Variants in TTN observed in about 807,000 individuals in gnomAD.
The protein encoded by TTN is connectin.
Under a neutral mutation model 3,223.0 loss-of-function variants are expected in TTN, and 1,525 were observed. The observed-to-expected ratio is 0.47, with a 90% CI of 0.45 to 0.49. The LOEUF (loss-of-function observed/expected upper bound fraction) is 0.49. Among genes scored for constraint, TTN ranks in the 20% least tolerant of loss-of-function variants. The pLI is 0.00. For missense variants in TTN, 40,786 were observed against 43,424.0 expected, an observed-to-expected ratio of 0.94 and a Z score of 5.40; for synonymous variants, 14,094 against 15,161.0, an observed-to-expected ratio of 0.93 and a Z score of 5.17.
At chr2:178,760,866 TG>T (rs2088965333) in intron 43 of TTN, 5 of 152,044 alleles carry the variant, frequency 3.3e-5, no homozygotes, top group African/African-American at 1.2e-4. Context: ...TGTGTGTGTG[TG>T]TGTGTGTGTG....
In TTN at chr2:178,560,611, C is replaced by T; in HGVS notation, c.85521G>A (p.Met28507Ile). 4 of 1,613,468 alleles carry T rather than the reference C, an allele frequency of 2.5e-6. No homozygotes were observed. Among genetic ancestry groups the T allele is most frequent in the Non-Finnish European group, 3.4e-6 (4 of 1,179,760 alleles). The change falls in exon 326 of 363, where the codon ATG becomes ATA. Residue 28507 changes from methionine to isoleucine, a missense_variant. Coordinates refer to ENST00000589042, the MANE Select transcript of TTN (RefSeq NM_001267550.2). The part of the protein sequence containing the change: ...AWTICEGELQ[M>I]TSCKVTKLLK... ...GTAACTTGGTTACTTTACAGGATGT[C>T]ATCTGTAACTCTCCTTCACATATTG... is the stretch of plus-strand genomic sequence containing the variant.
rs764141386 is a variant in TTN, at chr2:178,712,206, G to A, written c.27624C>T (p.Val9208=). 2 of 1,613,158 alleles carry A rather than the reference G, an allele frequency of 1.2e-6. No individual in the cohort carries two copies. The highest frequency in any genetic ancestry group is 1.7e-6 in the Non-Finnish European group (2 of 1,179,374). Reference sequence around the variant, plus strand: ...ACACCTTAACCGGCTCCAACTGCTTGACAAAATACGGTGGTTCTGCAGCCA... The same window carrying A: ...ACACCTTAACCGGCTCCAACTGCTTAACAAAATACGGTGGTTCTGCAGCCA... ...QILILEPPYF[V]KQLEPVKVSV... The change falls in exon 96 of 363, where the codon GTC becomes GTT. Residue 9208 remains valine (V), a synonymous_variant. Transcript: ENST00000589042.
At position 178,714,279 on chromosome 2, in the gene TTN, T is replaced by C. The variant is rs769982218; in HGVS notation, c.26482+13A>G. On this transcript the variant is annotated intron_variant, in intron 91 of 362. Coordinates refer to ENST00000589042, the MANE Select transcript of TTN (RefSeq NM_001267550.2). ...GTGCCTTGTATCTGTGATAACATCATCTTTTTACTAACCGAGAACGGATAG... is the reference window on the plus strand; with the variant it reads ...GTGCCTTGTATCTGTGATAACATCACCTTTTTACTAACCGAGAACGGATAG... 9 of 1,607,960 alleles carry C rather than the reference T, an allele frequency of 5.6e-6. No individual in the cohort carries two copies. In the South Asian group the frequency reaches 9.9e-5, roughly 18 times the overall value.
chr2:178,733,435 G>T lies in TTN; in HGVS notation c.15858C>A (p.Gly5286=). ...DPATLEYTVA[G]TPELKPKWYK... ...ACCATTTGGGCTTCAGTTCTGGCGT[G>T]CCTGCCACTGTGTACTCCAGTGTGG... is the stretch of plus-strand genomic sequence containing the variant. The change falls in exon 54 of 363, where the codon GGC becomes GGA. Residue 5286 remains glycine, a synonymous_variant. Transcript: ENST00000589042. The T allele has an allele frequency of 6.2e-7, 1 of 1,613,804 alleles. No homozygotes were observed. The highest frequency in any genetic ancestry group is 8.5e-7 in the Non-Finnish European group (1 of 1,179,778).
At chr2:178,587,454 T>G (rs72646856) in intron 306 of TTN, 37 bp from the exon 307 acceptor site, 1 of 1,602,750 alleles carries the variant, frequency 6.2e-7, no homozygotes, top group African/African-American at 1.3e-5. Flanking sequence ...ACATGTCTCC[T>G]CAGCATCCCT....
chr2:178,632,809 G>A lies in TTN; in HGVS notation c.43214-17C>T, dbSNP rs1055328840. The stretch of plus-strand genomic sequence containing the variant: ...GAGGCAATTCTGAAAGAAGTGGACA[G>A]TGGATGAAGTCAGAATACGTTTCCA... On this transcript the variant is annotated splice_polypyrimidine_tract_variant and intron_variant, in intron 234 of 362. Coordinates refer to ENST00000589042, the MANE Select transcript of TTN (RefSeq NM_001267550.2). The A allele has an allele frequency of 7.4e-6, 12 of 1,612,734 alleles. No individual in the cohort carries two copies. The highest frequency in any genetic ancestry group is 1.7e-5 in the Admixed American group (1 of 59,922).
Position 178,527,036 on chromosome 2 carries a change from C to T in TTN, c.107952G>A (p.Val35984=), listed in dbSNP as rs1485536370. The T allele has an allele frequency of 2.5e-6, 4 of 1,613,208 alleles. No homozygotes were observed. Among genetic ancestry groups the T allele is most frequent in the Non-Finnish European group, 2.5e-6 (3 of 1,179,584 alleles). The part of the protein sequence containing the change: ...GNEFGSDSAT[V]NIHIRSI ...CTTAAATGGATCGAATATGTATATT[C>T]ACAGTGGCAGAGTCAGATCCAAATT... The change falls in exon 363 of 363, where the codon GTG becomes GTA. Residue 35984 remains valine, a synonymous_variant. Coordinates refer to ENST00000589042, the MANE Select transcript of TTN (RefSeq NM_001267550.2).
Position 178,604,722 on chromosome 2 carries a change from C to G in TTN, c.54367G>C (p.Glu18123Gln). 6.2e-7 allele frequency: 1 copy of G among 1,610,140 alleles called. No homozygotes were observed. Among genetic ancestry groups the G allele is most frequent in the Non-Finnish European group, 8.5e-7 (1 of 1,177,910 alleles). Reference sequence around the variant, plus strand: ...GAAGAGTTTACCCCATATCTTTTCTCTACAGCAGTGTTGGTGACTTCCTCC... The same window carrying G: ...GAAGAGTTTACCCCATATCTTTTCTGTACAGCAGTGTTGGTGACTTCCTCC... ...EWEEVTNTAV[E>Q]KRYGIWKLIP... The change falls in exon 281 of 363, where the codon GAG (glutamate) becomes CAG (glutamine). Residue 18123 changes from glutamate (E) to glutamine (Q), a missense_variant. Physicochemically the swap from Glu to Gln is conservative, Grantham distance 29. Coordinates refer to ENST00000589042, the MANE Select transcript of TTN (RefSeq NM_001267550.2).
rs1463018240 is a variant in TTN at position 178,573,802 on chromosome 2, A to G, written c.72330T>C (p.Phe24110=). The change falls in exon 326 of 363, where the codon TTT becomes TTC. Residue 24110 remains phenylalanine, a synonymous_variant. Transcript: ENST00000589042. ...YTLTATNPGG[F]AKHIFNVKVL... is the part of the protein sequence containing the mutation. The stretch of plus-strand genomic sequence containing the variant: ...CTTTGACATTGAAAATGTGTTTAGC[A>G]AAGCCACCAGGATTAGTCGCTGTAA... 7 of 1,611,092 alleles carry G rather than the reference A, an allele frequency of 4.3e-6. No homozygotes were observed. In the East Asian group the frequency reaches 1.1e-4, roughly 26 times the overall value.
chr2:178,600,711 A>C, intron 288 of TTN, 143 bp downstream of exon 288: 1 of 934,796 alleles, frequency 1.1e-6, no homozygotes, highest in Non-Finnish European at 1.7e-6. Flanking sequence ...GGAATGAGTA[A>C]TTAAGTAATG....
chr2:178,766,709 T>C (rs1056917702), intron 40 of TTN, 97 bp from the exon 41 acceptor site: 12 of 918,378 alleles, frequency 1.3e-5, no homozygotes, highest in Admixed American at 2.0e-5. Flanking sequence ...GGTCAATGAA[T>C]GGCATGTGAA....
intron 47 of TTN, chr2:178,748,870 A>G: frequency 6.2e-7 from 1 of 1,612,408 alleles, no homozygotes; most frequent in Non-Finnish European, 8.5e-7. Flanking sequence ...CCTGATACAT[A>G]TTTGCATTTA....
chr2:178,624,315 T>C (rs947776254), intron 242 of TTN, 150 bp downstream of exon 242: 1 of 908,940 alleles, frequency 1.1e-6, no homozygotes, highest in Non-Finnish European at 1.7e-6. Context: ...TTTAAACACA[T>C]AAAGGATCAG....
chr2:178,527,811 C>T (rs751523961), intron 361 of TTN, 63 bp from the exon 362 acceptor site: 72 of 1,448,914 alleles, frequency 5.0e-5, no homozygotes, highest in Admixed American at 7.2e-5. Flanking sequence ...TGACATATGA[C>T]GCTGACTTAC....
intron 218 of TTN, among the ~76,000 whole-genome samples, chr2:178,643,861 C>CACT (rs2061545772): frequency 6.6e-6 from 1 of 151,910 alleles, no homozygotes; most frequent in Non-Finnish European, 1.5e-5. Flanking sequence ...TTGAACAGAA[C>CACT]ACTACTACCC....
At chr2:178,625,515 T>G (rs1477393807) in intron 240 of TTN, 119 bp from the exon 241 acceptor site, 1 of 1,095,918 alleles carries the variant, frequency 9.1e-7, no homozygotes. Flanking sequence ...AATCATCTAT[T>G]TAGCACGTAT....
In TTN at chr2:178,770,540, T is replaced by C. The variant is rs368235451; in HGVS notation, c.8252A>G (p.Glu2751Gly). 51 of 1,614,034 alleles carry C rather than the reference T, an allele frequency of 3.2e-5. No individual in the cohort carries two copies. Among genetic ancestry groups the C allele is most frequent in the Non-Finnish European group, 4.2e-5 (49 of 1,180,008 alleles). ...TCCTTTGACAGAGATAGCATACTTT[T>C]CATTGGATTCCAGCACAACTCCATT... ...IKNGVVLESN[E>G]KYAISVKGTI... Residue 2751 changes from glutamate to glycine, a missense_variant, in exon 35 of 363, where the codon GAA (glutamate) becomes GGA (glycine). Physicochemically the swap from Glu to Gly is moderately conservative, Grantham distance 98. Coordinates refer to ENST00000589042, the MANE Select transcript of TTN (RefSeq NM_001267550.2).
Position 178,684,213 on chromosome 2 carries a change from C to T in TTN, c.32722+117G>A, listed in dbSNP as rs2070203035. 3.8e-6 allele frequency: 5 copies of T among 1,323,408 alleles called. No homozygotes were observed. In the Admixed American group the frequency reaches 1.1e-4, roughly 29 times the overall value. The allele number at this position is 1,323,408 out of a possible 1,614,324, so 82.0% of individuals were successfully genotyped here. A position where few individuals can be genotyped will look rare whatever the true frequency, so the allele number is the denominator to read the frequency against. ...TTCAAACATAAAACAACAACTGTAACAACAACAACAACATCAACAACAACA... is the reference window on the plus strand; with the variant it reads ...TTCAAACATAAAACAACAACTGTAATAACAACAACAACATCAACAACAACA... On this transcript the variant is annotated intron_variant, in intron 132 of 362. Transcript: ENST00000589042.
Position 178,579,959 on chromosome 2 carries a change from C to T in TTN, c.67328G>A (p.Arg22443His), listed in dbSNP as rs1389670032. ...CTTACGGGAAGCTTTGACAGCATCA[C>T]GAGTTTCACCGGGATCACCAATGCC... ...EYGIGDPGETRDAVKASQTPG... is the reference protein window; with the variant it reads ...EYGIGDPGETHDAVKASQTPG... Residue 22443 changes from arginine to histidine, a missense_variant, in exon 318 of 363, where the codon CGT becomes CAT. By Grantham distance (29) the Arg-to-His change is conservative (BLOSUM62 0). Transcript: ENST00000589042. The T allele has an allele frequency of 9.9e-6, 16 of 1,613,010 alleles. No homozygotes were observed. Among genetic ancestry groups the T allele is most frequent in the East Asian group, 6.7e-5 (3 of 44,772 alleles).
Sources: allele counts gnomAD v4.1 joint callset (sites outside exome capture counted in the v4.1 genomes callset), GRCh38; gene constraint gnomAD v4.1.1; transcripts MANE v1.5; gene names NCBI Gene and HGNC (gene_info 2026-07-23, HGNC 2026-07-21).